The following GHDC variants were observed in gnomAD, a reference collection of about 807,000 sequenced individuals.
GHDC encodes the protein GH3 domain-containing protein.
A neutral mutation model predicts 51.5 loss-of-function variants in GHDC; 39 were observed. The ratio of observed to expected loss-of-function variants is 0.76; its 90% confidence interval spans 0.59 to 0.99. GHDC has a LOEUF of 0.99. GHDC is among the 50% of genes least tolerant of loss of function. The probability of loss-of-function intolerance (pLI) is 0.00; values close to 1 mark genes in which losing one functional copy is unlikely to be tolerated. For synonymous variants in GHDC, 282 were observed against 305.2 expected (o/e 0.92, Z 0.79); for missense variants, 610 against 672.8 (o/e 0.91, Z 1.03).
rs1367773496 is a variant in GHDC at position 42,189,856 on chromosome 17, GC to G, written c.1439del (p.Gly480AlafsTer84). ...GCCCCACCAGGTGGACTCTGGCAGG[GC>G]CCACGCTGCCCCAGAACCGCAGGGA... The part of the protein sequence containing the change: ...YKSLRFWGSV[G>X]PARVHLVGQG... On this transcript the variant is annotated frameshift_variant, in exon 10 of 10. Coordinates refer to ENST00000587427, the MANE Select transcript of GHDC (RefSeq NM_032484.5). LOFTEE classifies it high-confidence loss of function. 1 of 1,561,328 alleles carries G rather than the reference GC, an allele frequency of 6.4e-7. No individual in the cohort carries two copies. Among genetic ancestry groups the G allele is most frequent in the African/African-American group, 1.4e-5 (1 of 73,582 alleles).
At chr17:42,193,678 C>T (rs1420265277) in intron 2 of GHDC, 84 bp from the exon 3 acceptor site, 14 of 1,423,902 alleles carry the variant, frequency 9.8e-6, no homozygotes, top group Middle Eastern at 1.8e-4. Flanking sequence ...ACAGGAAAAC[C>T]GAGGAAAAAT....
intron 9 of GHDC, 51 bp downstream of exon 9, chr17:42,190,134 G>A (rs377225863): frequency 6.4e-7 from 1 of 1,567,496 alleles, no homozygotes; most frequent in African/African-American, 1.4e-5. Flanking sequence ...CACCCTGGGA[G>A]TGTGCAGAGT....
At chr17:42,192,152 G>T in intron 5 of GHDC, 89 bp downstream of exon 5, 1 of 1,451,288 alleles carries the variant, frequency 6.9e-7, no homozygotes, top group South Asian at 1.5e-5. Flanking sequence ...AGGATTAAAT[G>T]AGATGATTAT....
At chr17:42,190,022 T>G (rs2079955722) in intron 9 of GHDC, 101 bp from the exon 10 acceptor site, 1 of 1,332,462 alleles carries the variant, frequency 7.5e-7, no homozygotes, top group Non-Finnish European at 1.0e-6. Context: ...AAGTTTTGTG[T>G]GGACAGGTGT....
Position 42,189,436 on chromosome 17 carries a change from G to C in GHDC, c.*267C>G. The C allele has an allele frequency of 2.5e-6, 1 of 396,498 alleles. No individual in the cohort carries two copies. Among genetic ancestry groups the C allele is most frequent in the Non-Finnish European group, 4.4e-6 (1 of 225,164 alleles). 24.6% of individuals were successfully genotyped at this position (396,498 alleles called of 1,614,324 possible). A position where few individuals can be genotyped will look rare whatever the true frequency, so the allele number is the denominator to read the frequency against. On this transcript the variant is annotated 3_prime_UTR_variant, in exon 10 of 10. Coordinates refer to ENST00000587427, the MANE Select transcript of GHDC (RefSeq NM_032484.5). ...TGGGCTGTGATACAGGAAACCATCG[G>C]TGTGCATGGTAACTCTCTAGCAGTG...
chr17:42,189,754 G>T lies in GHDC; in HGVS notation c.1542C>A (p.Val514=). 6.5e-7 allele frequency: 1 copy of T among 1,527,332 alleles called. No individual in the cohort carries two copies. The allele number at this position is 1,527,332 out of a possible 1,614,324, so 94.6% of individuals were successfully genotyped here. The change falls in exon 10 of 10, where the codon GTC becomes GTA. Residue 514 remains valine, a synonymous_variant. Coordinates refer to ENST00000587427, the MANE Select transcript of GHDC (RefSeq NM_032484.5). ...ACTGGGCCAGGTGCCTGTGCCGAAG[G>T]ACCCGGGGCATCGCAGGGGGGAAGG... is the stretch of plus-strand genomic sequence containing the variant. ...SSPFPPAMPR[V]LRHRHLAQCL...
At chr17:42,193,283 T>C (rs764124702) in intron 3 of GHDC, 34 bp downstream of exon 3, 1 of 1,548,436 alleles carries the variant, frequency 6.5e-7, no homozygotes. Context: ...TTTCTTTCTC[T>C]TTGGGTCACC....
intron 5 of GHDC, among the ~76,000 whole-genome samples, chr17:42,191,669 G>A (rs532698586): frequency 1.3e-5 from 2 of 151,994 alleles, no homozygotes; most frequent in Middle Eastern, 3.4e-3. Context: ...CATTGGCCAG[G>A]CTGGTCTTAA....
In GHDC at chr17:42,191,116, T is replaced by C. The variant is rs147520816; in HGVS notation, c.984A>G (p.Glu328=). The part of the protein sequence containing the change: ...APFIELLPVK[E]GTQEEAASTL... ...TGGAGGCAGCTTCCTCCTGGGTGCC[T>C]TCCTTGACTGGGAGCAGCTCGATAA... Residue 328 remains glutamate, a synonymous_variant, in exon 6 of 10, where the codon GAA becomes GAG. Transcript: ENST00000587427. 6 of 1,564,496 alleles carry C rather than the reference T, an allele frequency of 3.8e-6. No individual in the cohort carries two copies. The African/African-American group carries it at 8.3e-5, about 22-fold the overall frequency.
At position 42,192,703 on chromosome 17, in the gene GHDC, G is replaced by A; in HGVS notation, c.427C>T (p.Pro143Ser). Reference protein sequence around the residue: ...LGLAALNKAYPEVLAQGRTAR... With the variant: ...LGLAALNKAYSEVLAQGRTAR... ...GTGCGTCCCTGAGCCAGCACTTCTG[G>A]GTAGGCCTTGTTTAGGGCTGCCAGA... is the stretch of plus-strand genomic sequence containing the variant. Residue 143 changes from proline to serine, a missense_variant, in exon 5 of 10, where the codon CCA (proline) becomes TCA (serine). Physicochemically the swap from Pro to Ser is moderately conservative, Grantham distance 74. Transcript: ENST00000587427. 1 of 1,564,988 alleles carries A rather than the reference G, an allele frequency of 6.4e-7. No individual in the cohort carries two copies. Among genetic ancestry groups the A allele is most frequent in the Non-Finnish European group, 8.6e-7 (1 of 1,156,750 alleles).
rs751238733 is a variant in GHDC, at chr17:42,192,397, C to G, written c.733G>C (p.Glu245Gln). ...ERAAELREAL[E>Q]QGPRGLALRL... ...AGGGCCAGTCCCCGTGGCCCCTGCT[C>G]TAGGGCCTCCCGGAGCTCAGCTGCC... is the stretch of plus-strand genomic sequence containing the variant. The change falls in exon 5 of 10, where the codon GAG becomes CAG. Residue 245 changes from glutamate (E) to glutamine (Q), a missense_variant. Around this residue, in one of 2 missense-constraint regions of GHDC, gnomAD observed 412 missense variants for 410.4 expected, o/e 1.00. Transcript: ENST00000587427. The G allele has an allele frequency of 8.7e-6, 14 of 1,612,920 alleles. No individual in the cohort carries two copies. Among genetic ancestry groups the G allele is most frequent in the African/African-American group, 2.7e-5 (2 of 74,958 alleles).
intron 1 of GHDC, 146 bp downstream of exon 1, chr17:42,194,247 C>A (rs899707125): frequency 6.6e-6 from 1 of 152,538 alleles, no homozygotes; most frequent in African/African-American, 2.4e-5. Context: ...GGAAGGGTTT[C>A]GGACAGGGTC....
At chr17:42,193,695 G>A (rs2079988360) in intron 2 of GHDC, 72 bp downstream of exon 2, 2 of 1,380,602 alleles carry the variant, frequency 1.4e-6, no homozygotes, top group South Asian at 3.0e-5. Flanking sequence ...AAATGAAATT[G>A]GGAAGAAGGC....
Position 42,193,541 on chromosome 17 carries a change from G to GGCA in GHDC, c.38_40dup (p.Leu13dup), listed in dbSNP as rs747543747. The GGCA allele has an allele frequency of 2.6e-4, 404 of 1,543,190 alleles. No homozygotes were observed. Among genetic ancestry groups the GGCA allele is most frequent in the Admixed American group, 4.7e-4 (24 of 50,938 alleles). Reference sequence around the variant, plus strand: ...CTGCTGCCTGAGCAGGGCCAATGTTGGCAGCAGCAGCAGCAGCAGCAGCAG... The same window carrying GGCA: ...CTGCTGCCTGAGCAGGGCCAATGTTGGCAGCAGCAGCAGCAGCAGCAGCAGCAG... On this transcript the variant is annotated inframe_insertion, in exon 3 of 10. Transcript: ENST00000587427.
In GHDC at chr17:42,192,508, C is replaced by A; in HGVS notation, c.622G>T (p.Asp208Tyr). The change falls in exon 5 of 10, where the codon GAT (aspartate) becomes TAT (tyrosine). Residue 208 changes from aspartate (D) to tyrosine (Y), a missense_variant. Physicochemically the swap from Asp to Tyr is radical, Grantham distance 160. This residue lies in a region of GHDC where 198 missense variants were observed against 262.3 expected (regional missense o/e 0.75). Coordinates refer to ENST00000587427, the MANE Select transcript of GHDC (RefSeq NM_032484.5). ...TCAGTCTCCAGGCCCAAGAAAACAT[C>A]CAGAAGTTCGACAGCCGTCCCAGCC... ...LEAGTAVELLDVFLGLETDGE... is the reference protein window; with the variant it reads ...LEAGTAVELLYVFLGLETDGE... The A allele has an allele frequency of 6.2e-7, 1 of 1,613,742 alleles. No individual in the cohort carries two copies. The highest frequency in any genetic ancestry group is 8.5e-7 in the Non-Finnish European group (1 of 1,180,036).
At position 42,189,712 on chromosome 17, in the gene GHDC, C is replaced by A; in HGVS notation, c.1584G>T (p.Val528=). 6.8e-7 allele frequency: 1 copy of A among 1,465,034 alleles called. No homozygotes were observed. The highest frequency in any genetic ancestry group is 9.0e-7 in the Non-Finnish European group (1 of 1,107,296). 90.8% of individuals were successfully genotyped at this position (1,465,034 alleles called of 1,614,324 possible). A position where few individuals can be genotyped will look rare whatever the true frequency, so the allele number is the denominator to read the frequency against. Residue 528 remains valine (V), a synonymous_variant, in exon 10 of 10, where the codon GTG becomes GTT. Transcript: ENST00000587427. ...TGGGGCAGGACTTGACTCAGGACAC[C>A]ACCCTCTCCTGCAGACACTGGGCCA... ...RHLAQCLQER[V]VS is the part of the protein sequence containing the mutation.
intron 9 of GHDC, 47 bp from the exon 10 acceptor site, chr17:42,189,968 G>A (rs1485824576): frequency 4.3e-6 from 6 of 1,410,834 alleles, no homozygotes; most frequent in Non-Finnish European, 4.8e-6. Flanking sequence ...CTGTGAGTGT[G>A]CACACGAGGC....
rs749667667 is a variant in GHDC at position 42,189,423 on chromosome 17, C to T, written c.*280G>A. The T allele has an allele frequency of 7.6e-6, 3 of 394,362 alleles. No individual in the cohort carries two copies. The highest frequency in any genetic ancestry group is 1.3e-5 in the Non-Finnish European group (3 of 223,798). The allele number at this position is 394,362 out of a possible 1,614,324, so 24.4% of individuals were successfully genotyped here. ...CAGAGAACCTCTTTGGGCTGTGATA[C>T]AGGAAACCATCGGTGTGCATGGTAA... On this transcript the variant is annotated 3_prime_UTR_variant, in exon 10 of 10. Transcript: ENST00000587427.
At position 42,192,380 on chromosome 17, in the gene GHDC, T is replaced by C. The variant is rs758719259; in HGVS notation, c.750A>G (p.Gly250=). Reference sequence around the variant, plus strand: ...GCTTTGGCCAGAGCCGAAGGGCCAGTCCCCGTGGCCCCTGCTCTAGGGCCT... The same window carrying C: ...GCTTTGGCCAGAGCCGAAGGGCCAGCCCCCGTGGCCCCTGCTCTAGGGCCT... ...LREALEQGPR[G]LALRLWPKLQ... The change falls in exon 5 of 10, where the codon GGA becomes GGG. Residue 250 remains glycine (G), a synonymous_variant. Transcript: ENST00000587427. The C allele has an allele frequency of 1.8e-5, 29 of 1,612,774 alleles. No homozygotes were observed. Among genetic ancestry groups the C allele is most frequent in the African/African-American group, 2.7e-5 (2 of 74,940 alleles).
Sources: allele counts gnomAD v4.1 joint callset (sites outside exome capture counted in the v4.1 genomes callset), GRCh38; gene constraint gnomAD v4.1.1; regional missense constraint gnomAD v4.1.1; transcripts MANE v1.5; gene names NCBI Gene and HGNC (gene_info 2026-07-23, HGNC 2026-07-21).